The following PCDHA7 variants were observed in gnomAD, a reference collection of about 807,000 sequenced individuals.
PCDHA7 encodes protocadherin alpha 7.
Under a neutral mutation model 57.2 loss-of-function variants are expected in PCDHA7, and 37 were observed. The ratio of observed to expected loss-of-function variants is 0.65; its 90% CI spans 0.50 to 0.85. The LOEUF is 0.85. PCDHA7 is among the 40% of genes least tolerant of loss of function. The pLI is 0.00. For synonymous variants in PCDHA7, 553 were observed against 558.8 expected (o/e 0.99, Z 0.15); for missense variants, 1,188 against 1,241.8 (o/e 0.96, Z 0.65).
chr5:141,000,421 A>ATAT (rs1265241806), intron 3 of PCDHA7, among the ~76,000 whole-genome samples: 11 of 27,980 alleles, frequency 3.9e-4, no homozygotes, highest in South Asian at 1.9e-3. Flanking sequence ...ATATATATAT[A>ATAT]TTTTTTTTTT....
intron 1 of PCDHA7, among the ~76,000 whole-genome samples, chr5:140,898,111 T>C (rs1319791706): frequency 6.6e-6 from 1 of 152,184 alleles, no homozygotes; most frequent in Non-Finnish European, 1.5e-5. Context: ...ATGAGTAGGT[T>C]GCGAAAATTT....
At position 140,987,445 on chromosome 5, in the gene PCDHA7, G is replaced by A. The variant is rs141923390; in HGVS notation, c.2503+4882G>A. Among the ~76,000 whole-genome samples, 799 of 152,220 alleles carry A rather than the reference G, an allele frequency of 5.2e-3. 4 individuals carry two copies. The highest frequency in any genetic ancestry group is 0.018 in the African/African-American group (765 of 41,528). On this transcript the variant is annotated intron_variant, in intron 3 of 3. Transcript: ENST00000525929. ...AAGCAGGGGGCCTTTCCCCATGCCC[G>A]AGAGATAATTGTTAAGAGCTCAAGC...
intron 1 of PCDHA7, chr5:140,875,290 A>AT (rs1231810985): frequency 7.9e-6 from 11 of 1,396,906 alleles, no homozygotes; most frequent in Non-Finnish European, 1.0e-5. Context: ...AAACAGGAAA[A>AT]TTTTTTTCTC....
In PCDHA7 at chr5:140,836,237, G is replaced by C. The variant is rs2150256194; in HGVS notation, c.1854G>C (p.Ala618=). ...AGTTGCAACCGGTGGCGGCCGGTGC[G>C]AGCATCCCGTTCCGCGTGGGGCTGT... ...SYELQPVAAG[A]SIPFRVGLYT... is the part of the protein sequence containing the mutation. The change falls in exon 1 of 4, where the codon GCG becomes GCC. Residue 618 remains alanine, a synonymous_variant. Coordinates refer to ENST00000525929, the MANE Select transcript of PCDHA7 (RefSeq NM_018910.3). 3.7e-6 allele frequency: 6 copies of C among 1,613,720 alleles called. No homozygotes were observed. The highest frequency in any genetic ancestry group is 5.1e-6 in the Non-Finnish European group (6 of 1,179,798).
At position 140,870,948 on chromosome 5, in the gene PCDHA7, C is replaced by T. The variant is rs868931274; in HGVS notation, c.2355+34210C>T. ...CATATGAATTGCAGCCGGCGGCGGG[C>T]GGCTCGCGCATCCCGTTCCGCGTGG... On this transcript the variant is annotated intron_variant, in intron 1 of 3. Coordinates refer to ENST00000525929, the MANE Select transcript of PCDHA7 (RefSeq NM_018910.3). 3.0e-5 allele frequency: 49 copies of T among 1,613,584 alleles called. 1 individual carries two copies. The Middle Eastern group carries it at 7.0e-3, about 229-fold the overall frequency.
chr5:141,008,641 T>G (rs569373015), intron 3 of PCDHA7, among the ~76,000 whole-genome samples: 1 of 152,344 alleles, frequency 6.6e-6, no homozygotes, highest in Admixed American at 6.5e-5. Context: ...TAACAATTTC[T>G]TCTTCTGGAG....
At chr5:140,870,839 T>C (rs1358609489) in intron 1 of PCDHA7, 3 of 1,613,690 alleles carry the variant, frequency 1.9e-6, no homozygotes, top group South Asian at 1.1e-5. Flanking sequence ...GTTAACAAGC[T>C]AGTACCGCGG....
chr5:140,870,344 G>C, intron 1 of PCDHA7: 1 of 1,614,196 alleles, frequency 6.2e-7, no homozygotes, highest in Non-Finnish European at 8.5e-7. Flanking sequence ...GCCCTGGACC[G>C]CGAGAACGTG....
chr5:140,858,160 G>A, intron 1 of PCDHA7: 1 of 1,597,718 alleles, frequency 6.3e-7, no homozygotes, highest in Non-Finnish European at 8.6e-7. Flanking sequence ...CCATCTGCGC[G>A]GTGTCCAGCT....
chr5:140,988,957 C>G (rs2097322513), intron 3 of PCDHA7: 1 of 152,120 alleles, frequency 6.6e-6, no homozygotes. Context: ...TTCCTTCAAG[C>G]CCCACGATGG....
chr5:140,843,354 C>G, intron 1 of PCDHA7: 1 of 1,596,098 alleles, frequency 6.3e-7, no homozygotes, highest in East Asian at 2.2e-5. Context: ...GCTCCAAAAG[C>G]GTCATCGAGG....
At chr5:140,880,663 G>A (rs1324939406) in intron 1 of PCDHA7, among the ~76,000 whole-genome samples, 1 of 152,210 alleles carries the variant, frequency 6.6e-6, no homozygotes, top group African/African-American at 2.4e-5. Flanking sequence ...AGGTAAAGGT[G>A]AGAGTAAATT....
chr5:140,866,911 G>C (rs1359822435), intron 1 of PCDHA7: 4 of 152,102 alleles, frequency 2.6e-5, no homozygotes, highest in African/African-American at 9.7e-5. Context: ...GATCCTCAAA[G>C]ATGAGTTCAA....
chr5:140,920,972 T>C (rs246075), intron 1 of PCDHA7, among the ~76,000 whole-genome samples: 86,063 of 151,854 alleles, frequency 0.57, 25,081 homozygotes, highest in African/African-American at 0.71. Flanking sequence ...TACTAGAGTA[T>C]AATATTGTAT....
chr5:141,004,142 G>A (rs1323224367), intron 3 of PCDHA7, among the ~76,000 whole-genome samples: 2 of 152,214 alleles, frequency 1.3e-5, no homozygotes, highest in African/African-American at 4.8e-5. Flanking sequence ...TGCCCCAAAG[G>A]CATGACATTT....
intron 1 of PCDHA7, chr5:140,850,460 G>A (rs2150485288): frequency 1.3e-6 from 2 of 1,597,976 alleles, no homozygotes; most frequent in Non-Finnish European, 1.7e-6. Flanking sequence ...AAGACCACGG[G>A]GAGCCAGCGC....
rs2093299605 is a variant in PCDHA7 at position 140,942,442 on chromosome 5, TA to T, written c.2356-36504del. 4.0e-5 allele frequency among the ~76,000 whole-genome samples: 6 copies of T among 151,626 alleles called. No homozygotes were observed. In the South Asian group the frequency reaches 1.2e-3, roughly 31 times the overall value. ...AAAAAGATATCTAACAATAAACAAG[TA>T]AACTATCAATTATAATACAATCAAA... On this transcript the variant is annotated intron_variant, in intron 1 of 3. Coordinates refer to ENST00000525929, the MANE Select transcript of PCDHA7 (RefSeq NM_018910.3).
intron 1 of PCDHA7, chr5:140,877,047 C>A (rs372059660): frequency 3.3e-5 from 53 of 1,612,564 alleles, no homozygotes; most frequent in Non-Finnish European, 4.3e-5. Flanking sequence ...CGCTAGACCA[C>A]GAGGAGCTGG....
At chr5:140,982,617 G>T in intron 3 of PCDHA7, 54 bp downstream of exon 3, 1 of 1,591,926 alleles carries the variant, frequency 6.3e-7, no homozygotes, top group South Asian at 1.1e-5. Context: ...GTGATCAGAT[G>T]ACCTACTTTT....
Sources: allele counts gnomAD v4.1 joint callset (sites outside exome capture counted in the v4.1 genomes callset), GRCh38; gene constraint gnomAD v4.1.1; transcripts MANE v1.5; gene names NCBI Gene and HGNC (gene_info 2026-07-23, HGNC 2026-07-21).